The following PCDHA12 variants were observed in gnomAD, a reference collection of about 807,000 sequenced individuals.
PCDHA12 encodes the protein protocadherin alpha 12.
In PCDHA12, 44 loss-of-function variants were observed where a neutral mutation model predicts 60.0. The observed-to-expected ratio is 0.73, with a 90% CI of 0.58 to 0.94. The LOEUF (loss-of-function observed/expected upper bound fraction) is 0.94, where lower values mean the gene tolerates loss of function less well. Among genes scored for constraint, PCDHA12 ranks in the 40% least tolerant of loss-of-function variants. PCDHA12 has a pLI of 0.00. For missense variants in PCDHA12, 1,276 were observed against 1,239.7 expected, an observed-to-expected ratio of 1.03 and a Z score of -0.44; for synonymous variants, 569 against 553.0, an observed-to-expected ratio of 1.03 and a Z score of -0.40.
chr5:140,928,459 T>C (rs2085267166), intron 1 of PCDHA12: 1 of 1,614,106 alleles, frequency 6.2e-7, no homozygotes, highest in Non-Finnish European at 8.5e-7. Flanking sequence ...GGGGTTTCAT[T>C]TCCAAGTAGA....
chr5:140,948,318 A>G (rs1423632599), intron 1 of PCDHA12, among the ~76,000 whole-genome samples: 1 of 151,520 alleles, frequency 6.6e-6, no homozygotes, highest in Non-Finnish European at 1.5e-5. Flanking sequence ...TTGAGGGGTA[A>G]TGTTTTCATT....
In PCDHA12 at chr5:140,968,189, T is replaced by G. The variant is rs181004208; in HGVS notation, c.2368-10760T>G. The G allele has an allele frequency of 2.2e-5, 35 of 1,614,034 alleles. No individual in the cohort carries two copies. The Admixed American group carries it at 4.2e-4, about 19-fold the overall frequency. On this transcript the variant is annotated intron_variant, in intron 1 of 3. Coordinates refer to ENST00000398631, the MANE Select transcript of PCDHA12 (RefSeq NM_018903.4). ...ACCAAGCTTCCTGGAGGACTCCTAT[T>G]CCATCTACATACAGGAGAACAATTT... is the stretch of plus-strand genomic sequence containing the variant.
intron 1 of PCDHA12, among the ~76,000 whole-genome samples, chr5:140,965,377 A>T (rs1479954226): frequency 6.6e-6 from 1 of 152,190 alleles, no homozygotes; most frequent in African/African-American, 2.4e-5. Context: ...AAACTTGGGG[A>T]CACAGAAGAA....
intron 1 of PCDHA12, chr5:140,968,562 C>T (rs1210264786): frequency 4.3e-6 from 7 of 1,614,090 alleles, no homozygotes; most frequent in Non-Finnish European, 8.5e-7. Context: ...CGAACTGCCC[C>T]TGCTGGCTAC....
intron 1 of PCDHA12, chr5:140,969,073 G>A (rs781937942): frequency 1.4e-5 from 23 of 1,613,974 alleles, no homozygotes; most frequent in South Asian, 5.5e-5. Context: ...CCAGGATACC[G>A]CATGGCCTCA....
rs903321831 is a variant in PCDHA12, at chr5:140,926,671, C to A, written c.2367+48832C>A. ...CGGCTCCGCTTTCCCAGACGGCTGC[C>A]CAGCCTCCAGCCTAGCAAGCCCGGC... On this transcript the variant is annotated intron_variant, in intron 1 of 3. Coordinates refer to ENST00000398631, the MANE Select transcript of PCDHA12 (RefSeq NM_018903.4). The A allele has an allele frequency of 3.5e-5, 20 of 579,422 alleles. No homozygotes were observed. The South Asian group carries it at 7.5e-4, about 22-fold the overall frequency. 35.9% of individuals were successfully genotyped at this position (579,422 alleles called of 1,614,324 possible).
rs1417392698 is a variant in PCDHA12 at position 140,999,864 on chromosome 5, T to G, written c.2516-9763T>G. Among the ~76,000 whole-genome samples, 46 of 152,148 alleles carry G rather than the reference T, an allele frequency of 3.0e-4. 1 individual carries two copies. ...TGTATTTATCTCTTCCGCTCCAAGATTACTGAAAATTAGCCCAGCTGTAGC... is the reference window on the plus strand; with the variant it reads ...TGTATTTATCTCTTCCGCTCCAAGAGTACTGAAAATTAGCCCAGCTGTAGC... On this transcript the variant is annotated intron_variant, in intron 3 of 3. Coordinates refer to ENST00000398631, the MANE Select transcript of PCDHA12 (RefSeq NM_018903.4).
At chr5:140,960,346 T>A (rs782732587) in intron 1 of PCDHA12, among the ~76,000 whole-genome samples, 21 of 152,174 alleles carry the variant, frequency 1.4e-4, no homozygotes, top group Admixed American at 2.6e-4. Context: ...AGGTGAGATA[T>A]GTACTGAAAT....
At chr5:140,931,793 A>C (rs979670484) in intron 1 of PCDHA12, among the ~76,000 whole-genome samples, 33 of 151,972 alleles carry the variant, frequency 2.2e-4, no homozygotes, top group African/African-American at 7.7e-4. Context: ...TATTGATCTG[A>C]TCTTAATTCT....
chr5:140,915,966 T>C (rs1420384919), intron 1 of PCDHA12, among the ~76,000 whole-genome samples: 1 of 152,160 alleles, frequency 6.6e-6, no homozygotes, highest in Non-Finnish European at 1.5e-5. Flanking sequence ...ATTTGCCTGA[T>C]ATTTTATTTG....
chr5:140,949,924 AT>A (rs144693243), intron 1 of PCDHA12, among the ~76,000 whole-genome samples: 8,382 of 151,404 alleles, frequency 0.055, 277 homozygotes, highest in Non-Finnish European at 0.077. Context: ...CTATTTTTAG[AT>A]TTTTTTTAAT....
chr5:140,979,006 A>G lies in PCDHA12; in HGVS notation c.2425A>G (p.Ser809Gly), dbSNP rs149397164. ...TGCCTCCCTGAGAGCAGGCATGCAC[A>G]GGTATGTATTTCCCTCCTCATTCAC... ...YSASLRAGMH[S>G]SVHLEEAGIL... Residue 809 changes from serine (S) to glycine (G), a missense_variant and splice_region_variant, in exon 2 of 4, where the codon AGC becomes GGC. Ser to Gly is a moderately conservative substitution (Grantham distance 56). Coordinates refer to ENST00000398631, the MANE Select transcript of PCDHA12 (RefSeq NM_018903.4). The G allele has an allele frequency of 4.3e-6, 7 of 1,614,000 alleles. No individual in the cohort carries two copies. The highest frequency in any genetic ancestry group is 5.1e-6 in the Non-Finnish European group (6 of 1,179,938).
intron 1 of PCDHA12, among the ~76,000 whole-genome samples, chr5:140,899,497 T>G (rs2067365308): frequency 6.6e-6 from 1 of 152,254 alleles, no homozygotes; most frequent in South Asian, 2.1e-4. Context: ...TTACATTTAT[T>G]GATTTGCATA....
chr5:140,926,325 T>C (rs1441503834), intron 1 of PCDHA12: 1 of 151,866 alleles, frequency 6.6e-6, no homozygotes, highest in African/African-American at 2.4e-5. Flanking sequence ...TGCGCCGGGG[T>C]CAGAGCGCCG....
chr5:140,927,896 A>G (rs571131956), intron 1 of PCDHA12: 1 of 1,614,200 alleles, frequency 6.2e-7, no homozygotes, highest in African/African-American at 1.3e-5. Context: ...GACGTGAACG[A>G]TCATGCCCCC....
In PCDHA12 at chr5:140,917,150, G is replaced by A. The variant is rs535773024; in HGVS notation, c.2367+39311G>A. Among the ~76,000 whole-genome samples the A allele has an allele frequency of 2.0e-5, 3 of 152,324 alleles. No individual in the cohort carries two copies. In the South Asian group the frequency reaches 6.2e-4, roughly 32 times the overall value. On this transcript the variant is annotated intron_variant, in intron 1 of 3. Transcript: ENST00000398631. ...CCCCACGTTGCTCAGCTGCTGCTGG[G>A]GGATATGGGAGGGGTGATGGTGGTG...
chr5:140,938,293 C>G (rs896897734), intron 1 of PCDHA12, among the ~76,000 whole-genome samples: 1 of 152,110 alleles, frequency 6.6e-6, no homozygotes, highest in African/African-American at 2.4e-5. Flanking sequence ...CTGTCATTGC[C>G]TATGAAATTC....
chr5:140,966,176 T>G (rs2095977016), intron 1 of PCDHA12: 1 of 188,102 alleles, frequency 5.3e-6, no homozygotes, highest in African/African-American at 2.3e-5. Context: ...CCTGGGGAGC[T>G]GATAGCCAGA....
At chr5:140,883,239 A>ACAAAGGAAATATTC in intron 1 of PCDHA12, 1 of 1,614,096 alleles carries the variant, frequency 6.2e-7, no homozygotes, top group Non-Finnish European at 8.5e-7. Context: ...GAGGCAGTTG[A>ACAAAGGAAATATTC]CAAAGGAAAT....
Sources: allele counts gnomAD v4.1 joint callset (sites outside exome capture counted in the v4.1 genomes callset), GRCh38; gene constraint gnomAD v4.1.1; transcripts MANE v1.5; gene names NCBI Gene and HGNC (gene_info 2026-07-23, HGNC 2026-07-21).